HHIP: variants seen among roughly 807,000 people sequenced by gnomAD.
HHIP encodes the protein hedgehog interacting protein.
Under a neutral mutation model 74.0 loss-of-function variants are expected in HHIP, and 12 were observed. The ratio of observed to expected loss-of-function variants is 0.16; its 90% CI spans 0.10 to 0.26. The LOEUF (loss-of-function observed/expected upper bound fraction) is 0.26. HHIP is among the 10% of genes least tolerant of loss of function. The pLI is 1.00. For synonymous variants in HHIP, 309 were observed against 311.6 expected, an observed-to-expected ratio of 0.99 and a Z score of 0.09; for missense variants, 788 against 845.0, an observed-to-expected ratio of 0.93 and a Z score of 0.84.
intron 7 of HHIP, among the ~76,000 whole-genome samples, chr4:144,710,564 T>C (rs1383008741): frequency 6.6e-6 from 1 of 152,254 alleles, no homozygotes; most frequent in Non-Finnish European, 1.5e-5. Flanking sequence ...TTTTTAAATT[T>C]CTTTATTAGC....
At chr4:144,706,719 A>G in intron 5 of HHIP, 37 bp downstream of exon 5, 1 of 1,548,996 alleles carries the variant, frequency 6.5e-7, no homozygotes. Flanking sequence ...GAAATTTCTC[A>G]TCTTATTTTC....
intron 4 of HHIP, among the ~76,000 whole-genome samples, chr4:144,692,161 C>T (rs192460810): frequency 4.6e-4 from 70 of 151,912 alleles, no homozygotes; most frequent in Admixed American, 3.8e-3. Flanking sequence ...AAGAAAATAC[C>T]TTGTGAAGTA....
intron 10 of HHIP, 142 bp from the exon 11 acceptor site, chr4:144,718,733 G>A: frequency 1.5e-6 from 1 of 666,462 alleles, no homozygotes; most frequent in Non-Finnish European, 2.7e-6. Context: ...GCAGACATGT[G>A]AGACTCTTGC....
intron 4 of HHIP, among the ~76,000 whole-genome samples, chr4:144,673,518 CAT>C (rs1729097824): frequency 6.6e-6 from 1 of 152,124 alleles, no homozygotes; most frequent in Non-Finnish European, 1.5e-5. Context: ...GACACACACA[CAT>C]ATGTGTTCCT....
chr4:144,734,953 C>T, intron 12 of HHIP, 64 bp downstream of exon 12: 1 of 1,441,804 alleles, frequency 6.9e-7, no homozygotes, highest in South Asian at 1.3e-5. Flanking sequence ...TACTCAAGAA[C>T]TCAACATTGA....
chr4:144,659,324 T>C (rs1365291729), intron 3 of HHIP, among the ~76,000 whole-genome samples: 2 of 152,242 alleles, frequency 1.3e-5, no homozygotes, highest in African/African-American at 4.8e-5. Flanking sequence ...ATAAGGTTTA[T>C]TTATTGTGAG....
chr4:144,724,668 G>GTA (rs1019334862), intron 11 of HHIP, among the ~76,000 whole-genome samples: 27 of 106,966 alleles, frequency 2.5e-4, no homozygotes, highest in South Asian at 1.2e-3. Flanking sequence ...GTGTGTGTGT[G>GTA]TATATATATA....
Position 144,742,841 on chromosome 4 carries a change from A to G in HHIP, c.*4884A>G, listed in dbSNP as rs1014537903. 7.1e-6 allele frequency: 1 copy of G among 141,446 alleles called. No individual in the cohort carries two copies. Among genetic ancestry groups the G allele is most frequent in the Non-Finnish European group, 1.5e-5 (1 of 66,230 alleles). The allele number at this position is 141,446 out of a possible 1,614,324, so 8.8% of individuals were successfully genotyped here. A position where few individuals can be genotyped will look rare whatever the true frequency, so the allele number is the denominator to read the frequency against. On this transcript the variant is annotated 3_prime_UTR_variant, in exon 13 of 13. Transcript: ENST00000296575. ...TGGTTATATATATTTGGTTATATAT[A>G]TATCTTTATATATATATCTTATATA...
At chr4:144,649,986 G>A (rs571045509) in intron 1 of HHIP, among the ~76,000 whole-genome samples, 2 of 152,264 alleles carry the variant, frequency 1.3e-5, no homozygotes, top group South Asian at 4.2e-4. Flanking sequence ...CAACCTTGTA[G>A]GCATATGATT....
rs144620600 is a variant in HHIP, at chr4:144,728,943, C to T, written c.1761-5798C>T. Among the ~76,000 whole-genome samples the T allele has an allele frequency of 1.0e-3, 156 of 152,050 alleles. 4 individuals carry two copies. In the East Asian group the frequency reaches 0.024, roughly 23 times the overall value. ...GTCTCAAAACATGCGGTAAATCCTTCAGAATACAGCATTCTACTCCTTATA... is the reference window on the plus strand; with the variant it reads ...GTCTCAAAACATGCGGTAAATCCTTTAGAATACAGCATTCTACTCCTTATA... On this transcript the variant is annotated intron_variant, in intron 11 of 12. Coordinates refer to ENST00000296575, the MANE Select transcript of HHIP (RefSeq NM_022475.3).
intron 4 of HHIP, chr4:144,661,224 G>A (rs1449271195): frequency 6.6e-6 from 1 of 152,070 alleles, no homozygotes; most frequent in Non-Finnish European, 1.5e-5. Flanking sequence ...GCTCTGACAT[G>A]GAGATGTTTC....
At chr4:144,708,123 T>C (rs756897004) in intron 6 of HHIP, 45 bp from the exon 7 acceptor site, 1 of 1,594,234 alleles carries the variant, frequency 6.3e-7, no homozygotes, top group South Asian at 1.1e-5. Flanking sequence ...AGGTGAAATA[T>C]ATAATGAAAA....
Position 144,646,589 on chromosome 4 carries a change from T to C in HHIP, c.-87T>C. 1 of 1,417,136 alleles carries C rather than the reference T, an allele frequency of 7.1e-7. No homozygotes were observed. Among genetic ancestry groups the C allele is most frequent in the South Asian group, 1.3e-5 (1 of 74,384 alleles). The allele number at this position is 1,417,136 out of a possible 1,614,324, so 87.8% of individuals were successfully genotyped here. A position where few individuals can be genotyped will look rare whatever the true frequency, so the allele number is the denominator to read the frequency against. The stretch of plus-strand genomic sequence containing the variant: ...AGTGCCCTACAGCCCCGCAAACTCC[T>C]CCTGGAGCTGCGCCCTAGTGCCCCT... On this transcript the variant is annotated 5_prime_UTR_variant, in exon 1 of 13. Transcript: ENST00000296575.
Position 144,646,288 on chromosome 4 carries a change from A to C in HHIP, c.-388A>C. On this transcript the variant is annotated 5_prime_UTR_variant, in exon 1 of 13. Transcript: ENST00000296575. ...TTCTGTTCCTGCTACTGTCCCACCT[A>C]AACAACTCCCGTTACACGGACAAGT... 5.4e-6 allele frequency: 1 copy of C among 184,204 alleles called. No homozygotes were observed. The allele number at this position is 184,204 out of a possible 1,614,324, so 11.4% of individuals were successfully genotyped here.
At chr4:144,659,427 T>C (rs1398855126) in intron 3 of HHIP, among the ~76,000 whole-genome samples, 1 of 152,218 alleles carries the variant, frequency 6.6e-6, no homozygotes, top group Non-Finnish European at 1.5e-5. Context: ...TTATTTTACT[T>C]TCTGAAAGAA....
At chr4:144,692,309 C>T (rs574099257) in intron 4 of HHIP, among the ~76,000 whole-genome samples, 218 of 152,234 alleles carry the variant, frequency 1.4e-3, no homozygotes, top group African/African-American at 5.1e-3. Context: ...CACATTCTCT[C>T]CACCGTATTT....
At chr4:144,665,016 AT>A (rs1365351261) in intron 4 of HHIP, among the ~76,000 whole-genome samples, 1 of 152,238 alleles carries the variant, frequency 6.6e-6, no homozygotes, top group East Asian at 1.9e-4. Context: ...CGTTTATGTT[AT>A]GTAAAAATAT....
chr4:144,732,338 C>A (rs939882660), intron 11 of HHIP, among the ~76,000 whole-genome samples: 6 of 152,066 alleles, frequency 3.9e-5, no homozygotes, highest in African/African-American at 1.4e-4. Context: ...GCCACACAGT[C>A]TTATATAAAT....
At position 144,739,786 on chromosome 4, in the gene HHIP, T is replaced by C. The variant is rs1172050897; in HGVS notation, c.*1829T>C. 1 of 152,226 alleles carries C rather than the reference T, an allele frequency of 6.6e-6. No individual in the cohort carries two copies. Among genetic ancestry groups the C allele is most frequent in the Non-Finnish European group, 1.5e-5 (1 of 68,042 alleles). The allele number at this position is 152,226 out of a possible 1,614,324, so 9.4% of individuals were successfully genotyped here. ...AAGAAGTCTCAGGATTAAATGAGCA[T>C]GGAGACCAAATTGCCCTCTTACCCC... On this transcript the variant is annotated 3_prime_UTR_variant, in exon 13 of 13. Transcript: ENST00000296575.
Sources: allele counts gnomAD v4.1 joint callset (sites outside exome capture counted in the v4.1 genomes callset), GRCh38; gene constraint gnomAD v4.1.1; transcripts MANE v1.5; gene names NCBI Gene and HGNC (gene_info 2026-07-23, HGNC 2026-07-21).